Variants in TBC1D5 observed in about 807,000 individuals in gnomAD.
The protein encoded by TBC1D5 is TBC1 domain family member 5.
A neutral mutation model predicts 100.3 loss-of-function variants in TBC1D5; 75 were observed. The ratio of observed to expected loss-of-function variants is 0.75; its 90% confidence interval spans 0.62 to 0.91. TBC1D5 has a LOEUF of 0.91. Among genes scored for constraint, TBC1D5 ranks in the 40% least tolerant of loss-of-function variants. The pLI is 0.00. For synonymous variants in TBC1D5, 323 were observed against 325.6 expected (o/e 0.99, Z 0.09); for missense variants, 910 against 942.4 (o/e 0.97, Z 0.45).
chr3:17,455,674 T>C (rs2095068267), intron 3 of TBC1D5, among the ~76,000 whole-genome samples: 1 of 151,644 alleles, frequency 6.6e-6, no homozygotes. Context: ...CCCATGTCTA[T>C]AAAAATTACA....
At chr3:17,577,570 C>G (rs2096665194) in intron 2 of TBC1D5, among the ~76,000 whole-genome samples, 1 of 151,760 alleles carries the variant, frequency 6.6e-6, no homozygotes. Context: ...TAAAATGAAT[C>G]TTTTCCTGCC....
chr3:17,401,378 T>G (rs2093646769), intron 8 of TBC1D5, among the ~76,000 whole-genome samples: 1 of 41,472 alleles, frequency 2.4e-5, no homozygotes, highest in South Asian at 5.3e-4. Flanking sequence ...AATATACATA[T>G]GTATATGTAT....
chr3:17,567,899 C>A (rs2096602999), intron 2 of TBC1D5, among the ~76,000 whole-genome samples: 2 of 151,392 alleles, frequency 1.3e-5, no homozygotes, highest in South Asian at 4.1e-4. Flanking sequence ...GTATAAAAGA[C>A]CAAAAGATAT....
At chr3:17,446,733 A>G (rs1245949408) in intron 3 of TBC1D5, among the ~76,000 whole-genome samples, 1 of 152,230 alleles carries the variant, frequency 6.6e-6, no homozygotes, top group Non-Finnish European at 1.5e-5. Flanking sequence ...GCACTTTGGG[A>G]GGCCGAGGCG....
chr3:17,617,056 T>G (rs1014051401), intron 2 of TBC1D5, among the ~76,000 whole-genome samples: 10 of 152,232 alleles, frequency 6.6e-5, no homozygotes, highest in African/African-American at 2.4e-4. Flanking sequence ...TACTGCTTCC[T>G]TCAGGAGCTC....
intron 1 of TBC1D5, among the ~76,000 whole-genome samples, chr3:17,724,107 TCA>T (rs1467070276): frequency 2.1e-5 from 3 of 144,974 alleles, no homozygotes; most frequent in Non-Finnish European, 4.5e-5. Flanking sequence ...AGACAAACTC[TCA>T]CTCTGTGTTA....
chr3:17,698,339 T>A (rs2072500799), intron 1 of TBC1D5, among the ~76,000 whole-genome samples: 1 of 151,904 alleles, frequency 6.6e-6, no homozygotes. Context: ...TGGCTAGCCA[T>A]ATGGAGAAAG....
In TBC1D5 at chr3:17,287,318, A is replaced by C. The variant is rs112316835; in HGVS notation, c.1245+4577T>G. Among the ~76,000 whole-genome samples, 885 of 152,382 alleles carry C rather than the reference A, an allele frequency of 5.8e-3. 6 individuals are homozygous for C. Among genetic ancestry groups the C allele is most frequent in the Admixed American group, 0.013 (203 of 15,304 alleles). ...TGCAGGACACAAAGCTGAGTGCTAA[A>C]AAATGAGCAGGATCCAGTCCTAAGG... On this transcript the variant is annotated intron_variant, in intron 15 of 21. Coordinates refer to ENST00000253692, the Ensembl canonical transcript of TBC1D5.
chr3:17,651,659 C>A (rs570738662), intron 1 of TBC1D5, among the ~76,000 whole-genome samples: 1 of 151,716 alleles, frequency 6.6e-6, no homozygotes, highest in Non-Finnish European at 1.5e-5. Flanking sequence ...GCCAAGATTG[C>A]GCTACTGCAC....
rs938329845 is a variant in TBC1D5, at chr3:17,590,057, T to G, written c.-36+33792A>C. 5.3e-5 allele frequency among the ~76,000 whole-genome samples: 8 copies of G among 152,034 alleles called. No individual in the cohort carries two copies. The Middle Eastern group carries it at 0.01, about 194-fold the overall frequency. The stretch of plus-strand genomic sequence containing the variant: ...AAGCAGCTGTGAGATCAGCACCCAC[T>G]CCCCCCTACAACATTCCTGTTTGTT... On this transcript the variant is annotated intron_variant, in intron 2 of 21. Transcript: ENST00000253692.
intron 16 of TBC1D5, among the ~76,000 whole-genome samples, chr3:17,255,709 C>T (rs1173489529): frequency 6.6e-6 from 1 of 152,088 alleles, no homozygotes; most frequent in African/African-American, 2.4e-5. Flanking sequence ...GTTAAAACAT[C>T]TTCACACTAT....
intron 18 of TBC1D5, among the ~76,000 whole-genome samples, chr3:17,198,145 C>A (rs1575891705): frequency 6.6e-6 from 1 of 152,302 alleles, no homozygotes; most frequent in East Asian, 1.9e-4. Flanking sequence ...AAGTTTTAGT[C>A]TAGACATCAT....
At chr3:17,469,301 T>C (rs1014033143) in intron 3 of TBC1D5, among the ~76,000 whole-genome samples, 2 of 152,232 alleles carry the variant, frequency 1.3e-5, no homozygotes, top group Admixed American at 6.5e-5. Flanking sequence ...GGAGCCAGAA[T>C]AATCTATCGA....
At chr3:17,372,397 T>G in intron 12 of TBC1D5, 150 bp from the exon 13 acceptor site, 2 of 641,180 alleles carry the variant, frequency 3.1e-6, no homozygotes, top group Non-Finnish European at 4.8e-6. Context: ...CATGAAATAA[T>G]TAAAATAGGA....
At chr3:17,411,611 A>C in intron 4 of TBC1D5, among the ~76,000 whole-genome samples, 1 of 152,126 alleles carries the variant, frequency 6.6e-6, no homozygotes, top group East Asian at 1.9e-4. Flanking sequence ...GTCTTTTCCA[A>C]AATCAGCTCC....
intron 1 of TBC1D5, among the ~76,000 whole-genome samples, chr3:17,649,677 G>A (rs569611880): frequency 2.8e-4 from 42 of 152,068 alleles, no homozygotes; most frequent in Admixed American, 1.3e-4. Context: ...AAATAGGAAC[G>A]CTTTTACACT....
intron 3 of TBC1D5, among the ~76,000 whole-genome samples, chr3:17,463,943 CT>C (rs1025162858): frequency 8.3e-3 from 723 of 87,552 alleles, no homozygotes; most frequent in Middle Eastern, 0.018. Context: ...TTCCTTATTC[CT>C]TTTTTTTTTT....
chr3:17,510,760 A>G (rs1230730146), intron 2 of TBC1D5, among the ~76,000 whole-genome samples: 2 of 152,068 alleles, frequency 1.3e-5, no homozygotes, highest in African/African-American at 4.8e-5. Flanking sequence ...ACATTTATGC[A>G]CAATGAATAT....
chr3:17,617,830 G>A (rs142395553), intron 2 of TBC1D5, among the ~76,000 whole-genome samples: 48 of 152,194 alleles, frequency 3.2e-4, no homozygotes, highest in Middle Eastern at 3.4e-3. Context: ...GCTTCCTTGC[G>A]ATGTGTTAGA....
Sources: gnomAD v4.1 joint callset for allele counts (sites outside exome capture counted in the v4.1 genomes callset) on GRCh38, gnomAD v4.1.1 for gene constraint, MANE v1.5 for transcripts, NCBI Gene and HGNC (gene_info 2026-07-23, HGNC 2026-07-21) for gene names.